Variants in SPIDR observed in about 807,000 individuals in gnomAD.
The protein encoded by SPIDR is scaffold protein involved in DNA repair.
A neutral mutation model predicts 104.6 loss-of-function variants in SPIDR; 93 were observed. The observed-to-expected ratio is 0.89, with a 90% CI of 0.75 to 1.06. The LOEUF is 1.06. Ranked by LOEUF, SPIDR falls within the 50% of genes least tolerant of loss-of-function variation. The pLI, the probability that SPIDR is intolerant of heterozygous loss-of-function variation, is 0.00. For missense variants in SPIDR, 1,154 were observed against 1,111.2 expected, an observed-to-expected ratio of 1.04 and a Z score of -0.55; for synonymous variants, 431 against 416.9, an observed-to-expected ratio of 1.03 and a Z score of -0.41.
chr8:47,536,565 A>G (rs1385682533), intron 8 of SPIDR, among the ~76,000 whole-genome samples: 1 of 152,196 alleles, frequency 6.6e-6, no homozygotes. Flanking sequence ...CTGAACATCT[A>G]CATAAAAAAG....
At chr8:47,300,125 C>A (rs1200906369) in intron 5 of SPIDR, among the ~76,000 whole-genome samples, 1 of 152,174 alleles carries the variant, frequency 6.6e-6, no homozygotes, top group Non-Finnish European at 1.5e-5. Context: ...GCCTCAATTT[C>A]AGAGCCTGTT....
chr8:47,679,647 T>C (rs965062058), intron 11 of SPIDR, among the ~76,000 whole-genome samples: 4 of 152,226 alleles, frequency 2.6e-5, no homozygotes, highest in Non-Finnish European at 5.9e-5. Flanking sequence ...CCTCCAGTGC[T>C]GGCCTGTGCC....
chr8:47,459,007 T>C (rs148215790), intron 8 of SPIDR, among the ~76,000 whole-genome samples: 1 of 152,274 alleles, frequency 6.6e-6, no homozygotes, highest in East Asian at 1.9e-4. Flanking sequence ...TTGATCATGG[T>C]GGATTGTCTT....
At chr8:47,370,607 T>G (rs2057878635) in intron 5 of SPIDR, among the ~76,000 whole-genome samples, 1 of 151,524 alleles carries the variant, frequency 6.6e-6, no homozygotes, top group Non-Finnish European at 1.5e-5. Context: ...CCATCATGTC[T>G]GGCTAATTTT....
intron 5 of SPIDR, among the ~76,000 whole-genome samples, chr8:47,331,398 C>G (rs543887717): frequency 6.6e-6 from 1 of 152,256 alleles, no homozygotes; most frequent in African/African-American, 2.4e-5. Context: ...AAGCCTATAT[C>G]TAGGCTGCAA....
At chr8:47,411,620 T>C (rs1386021835) in intron 7 of SPIDR, among the ~76,000 whole-genome samples, 1 of 152,206 alleles carries the variant, frequency 6.6e-6, no homozygotes. Flanking sequence ...TTCACTCTGA[T>C]GGTAGTTTCT....
At chr8:47,418,905 T>C (rs557862003) in intron 7 of SPIDR, among the ~76,000 whole-genome samples, 4 of 152,230 alleles carry the variant, frequency 2.6e-5, no homozygotes, top group Non-Finnish European at 5.9e-5. Context: ...GTTTTGTTTA[T>C]ATGCTGGGTT....
chr8:47,613,719 C>T (rs758963424), intron 10 of SPIDR, among the ~76,000 whole-genome samples: 21 of 152,196 alleles, frequency 1.4e-4, no homozygotes, highest in Non-Finnish European at 2.6e-4. Flanking sequence ...CTTTTATTCA[C>T]ATCTCTCTAA....
intron 8 of SPIDR, among the ~76,000 whole-genome samples, chr8:47,545,547 A>G (rs1373900399): frequency 6.6e-6 from 1 of 151,980 alleles, no homozygotes; most frequent in Non-Finnish European, 1.5e-5. Context: ...ATTCTTTCAT[A>G]ACTTCTCCAT....
intron 10 of SPIDR, among the ~76,000 whole-genome samples, chr8:47,612,801 A>G (rs1013980410): frequency 1.3e-5 from 2 of 152,150 alleles, no homozygotes; most frequent in Non-Finnish European, 2.9e-5. Flanking sequence ...TAAAAACAAC[A>G]CTAAGTATGC....
chr8:47,556,434 T>C (rs575197386), intron 8 of SPIDR, among the ~76,000 whole-genome samples: 1 of 152,358 alleles, frequency 6.6e-6, no homozygotes, highest in African/African-American at 2.4e-5. Context: ...GTTTTAGCCC[T>C]AGGTACTTGG....
At chr8:47,265,039 A>G (rs2033607054) in intron 1 of SPIDR, among the ~76,000 whole-genome samples, 1 of 152,110 alleles carries the variant, frequency 6.6e-6, no homozygotes, top group Non-Finnish European at 1.5e-5. Context: ...CTCATTTTCA[A>G]GTTTTTCAGT....
intron 8 of SPIDR, among the ~76,000 whole-genome samples, chr8:47,567,294 A>G (rs1256256122): frequency 6.6e-6 from 1 of 151,328 alleles, no homozygotes; most frequent in Non-Finnish European, 1.5e-5. Context: ...ATCTCGGCTC[A>G]CCGCAACCTC....
intron 5 of SPIDR, among the ~76,000 whole-genome samples, chr8:47,353,351 G>C (rs1260224156): frequency 6.6e-6 from 1 of 152,160 alleles, no homozygotes; most frequent in African/African-American, 2.4e-5. Context: ...CAGCTGCAAC[G>C]CGTGAGAGTG....
chr8:47,514,821 A>C (rs1163952140), intron 8 of SPIDR, among the ~76,000 whole-genome samples: 1 of 152,192 alleles, frequency 6.6e-6, no homozygotes, highest in Non-Finnish European at 1.5e-5. Context: ...CCAAAACAGC[A>C]CACATGGTTT....
At chr8:47,398,275 G>A (rs1443655429) in intron 6 of SPIDR, among the ~76,000 whole-genome samples, 2 of 152,154 alleles carry the variant, frequency 1.3e-5, no homozygotes, top group African/African-American at 4.8e-5. Flanking sequence ...GCTGAGGGCC[G>A]ACCACTTGCC....
chr8:47,672,975 C>G (rs2075985071), intron 10 of SPIDR, among the ~76,000 whole-genome samples: 1 of 152,250 alleles, frequency 6.6e-6, no homozygotes. Flanking sequence ...AGGCTCCTGG[C>G]TTCATCTGTT....
chr8:47,721,405 T>G (rs2083371090), intron 16 of SPIDR, among the ~76,000 whole-genome samples: 1 of 152,188 alleles, frequency 6.6e-6, no homozygotes. Flanking sequence ...GGTGACTATA[T>G]TTATGAGGGT....
At chr8:47,608,187 A>G (rs917610965) in intron 10 of SPIDR, among the ~76,000 whole-genome samples, 1 of 152,206 alleles carries the variant, frequency 6.6e-6, no homozygotes, top group Non-Finnish European at 1.5e-5. Context: ...TACTTCATAT[A>G]CATAAAATCA....
Sources: allele counts gnomAD v4.1 joint callset (sites outside exome capture counted in the v4.1 genomes callset), GRCh38; gene constraint gnomAD v4.1.1; transcripts MANE v1.5; gene names NCBI Gene and HGNC (gene_info 2026-07-23, HGNC 2026-07-21).